QKI: variants seen among roughly 807,000 people sequenced by gnomAD.
QKI encodes the protein QKI, KH domain containing RNA binding, also known as KH domain-containing RNA-binding protein QKI.
In QKI, 10 loss-of-function variants were observed where a neutral mutation model predicts 39.0. That is an observed-to-expected ratio of 0.26 (90% CI 0.16 to 0.43). The LOEUF (loss-of-function observed/expected upper bound fraction) is 0.43, where lower values mean the gene tolerates loss of function less well. Ranked by LOEUF, QKI falls within the 20% of genes least tolerant of loss-of-function variation. The pLI, the probability that QKI is intolerant of heterozygous loss-of-function variation, is 1.00. For synonymous variants in QKI, 204 were observed against 155.4 expected (o/e 1.31, Z -2.33); for missense variants, 218 against 428.0 (o/e 0.51, Z 4.33).
chr6:163,545,843 A>C (rs1455876254), intron 4 of QKI, among the ~76,000 whole-genome samples: 1 of 151,826 alleles, frequency 6.6e-6, no homozygotes, highest in Non-Finnish European at 1.5e-5. Context: ...TATTTATTAA[A>C]TTAAATATTT....
Position 163,483,100 on chromosome 6 carries a change from G to T in QKI, c.402+4204G>T, listed in dbSNP as rs376654655. Among the ~76,000 whole-genome samples, 33 of 152,278 alleles carry T rather than the reference G, an allele frequency of 2.2e-4. No individual in the cohort carries two copies. The East Asian group carries it at 4.2e-3, about 20-fold the overall frequency. ...AGTCACACATTTTTTTAGTTTCCTA[G>T]TGCATATAAAAGTTATGTTTATACC... is the stretch of plus-strand genomic sequence containing the variant. On this transcript the variant is annotated intron_variant, in intron 3 of 7. Coordinates refer to ENST00000361752, the MANE Select transcript of QKI (RefSeq NM_006775.3).
intron 4 of QKI, among the ~76,000 whole-genome samples, chr6:163,542,591 T>C (rs1007660688): frequency 1.3e-5 from 2 of 152,076 alleles, no homozygotes; most frequent in African/African-American, 2.4e-5. Flanking sequence ...TGAAGTTCAT[T>C]GATGTTGTCT....
chr6:163,556,503 CAAAAA>C (rs61233361), intron 4 of QKI, among the ~76,000 whole-genome samples: 5,374 of 83,120 alleles, frequency 0.065, 397 homozygotes, highest in African/African-American at 0.19. Context: ...AATTCCACCT[CAAAAA>C]AAAAAAAAAA....
chr6:163,512,239 T>C (rs996070043), intron 3 of QKI, among the ~76,000 whole-genome samples: 6 of 151,988 alleles, frequency 3.9e-5, no homozygotes, highest in African/African-American at 1.4e-4. Flanking sequence ...TACTCAGCAG[T>C]AAAATTCTCA....
intron 3 of QKI, among the ~76,000 whole-genome samples, chr6:163,529,743 C>T (rs913408157): frequency 1.3e-5 from 2 of 152,178 alleles, no homozygotes; most frequent in Non-Finnish European, 1.5e-5. Context: ...GCATGTGCAG[C>T]AGCCAGTCTC....
At chr6:163,501,286 T>TA (rs5881537) in intron 3 of QKI, among the ~76,000 whole-genome samples, 111,148 of 146,556 alleles carry the variant, frequency 0.76, 42,182 homozygotes, top group East Asian at 0.98. Flanking sequence ...GTTTTAACAT[T>TA]AAAAAAAAAA....
chr6:163,436,664 A>T (rs1424807862), intron 1 of QKI, among the ~76,000 whole-genome samples: 1 of 151,902 alleles, frequency 6.6e-6, no homozygotes, highest in Non-Finnish European at 1.5e-5. Flanking sequence ...AACTACAAAA[A>T]TTAGCTGGGC....
intron 7 of QKI, chr6:163,568,637 T>A: frequency 1.0e-6 from 1 of 976,120 alleles, no homozygotes; most frequent in Non-Finnish European, 1.2e-6. Flanking sequence ...TAAAATTATT[T>A]TAAAAAAATA....
At chr6:163,460,228 C>A (rs1020113544) in intron 2 of QKI, among the ~76,000 whole-genome samples, 2 of 152,116 alleles carry the variant, frequency 1.3e-5, no homozygotes, top group Non-Finnish European at 2.9e-5. Context: ...GAATATAATT[C>A]TGATTTTCTG....
chr6:163,482,595 T>C (rs943884322), intron 3 of QKI, among the ~76,000 whole-genome samples: 26 of 152,202 alleles, frequency 1.7e-4, no homozygotes, highest in Non-Finnish European at 7.3e-5. Flanking sequence ...TCAATTAATT[T>C]GCTAGAGTAG....
chr6:163,438,734 C>G (rs139433583), intron 1 of QKI, among the ~76,000 whole-genome samples: 2 of 151,744 alleles, frequency 1.3e-5, no homozygotes, highest in African/African-American at 2.4e-5. Flanking sequence ...CTCGGTGAGT[C>G]AGTGAGTGAG....
At chr6:163,511,086 C>T (rs766223475) in intron 3 of QKI, among the ~76,000 whole-genome samples, 1 of 151,976 alleles carries the variant, frequency 6.6e-6, no homozygotes, top group Non-Finnish European at 1.5e-5. Context: ...GAATTTTGAC[C>T]GCAGTGGAAT....
Position 163,572,323 on chromosome 6 carries a change from CAAAAG to C in QKI, c.*1614_*1618del, listed in dbSNP as rs1783737872. ...ATAGGATACCTAGCAAATGTTTTCA[CAAAAG>C]TGAATCTTTGTGATTTTCATTCTAG... On this transcript the variant is annotated 3_prime_UTR_variant, in exon 8 of 8. Transcript: ENST00000361752. 1 of 152,076 alleles carries C rather than the reference CAAAAG, an allele frequency of 6.6e-6. No homozygotes were observed. The highest frequency in any genetic ancestry group is 1.5e-5 in the Non-Finnish European group (1 of 68,018). 9.4% of individuals were successfully genotyped at this position (152,076 alleles called of 1,614,324 possible).
At chr6:163,487,833 T>C (rs1777774842) in intron 3 of QKI, among the ~76,000 whole-genome samples, 1 of 152,192 alleles carries the variant, frequency 6.6e-6, no homozygotes, top group South Asian at 2.1e-4. Flanking sequence ...TAAAGTCTCA[T>C]TTCCTCTCTG....
chr6:163,466,484 T>A (rs1453442951), intron 2 of QKI, among the ~76,000 whole-genome samples: 1 of 152,160 alleles, frequency 6.6e-6, no homozygotes, highest in Admixed American at 6.6e-5. Flanking sequence ...AGTTCCTGAT[T>A]TCAAATTATA....
intron 3 of QKI, among the ~76,000 whole-genome samples, chr6:163,529,007 C>G (rs1054678654): frequency 6.6e-6 from 1 of 152,086 alleles, no homozygotes; most frequent in African/African-American, 2.4e-5. Flanking sequence ...GTCTCCTGTT[C>G]TTCTGATACA....
chr6:163,425,661 G>T (rs1788350608), intron 1 of QKI, among the ~76,000 whole-genome samples: 1 of 152,046 alleles, frequency 6.6e-6, no homozygotes, highest in African/African-American at 2.4e-5. Context: ...ACTCCTTAAA[G>T]ATTTTTTAAA....
At chr6:163,518,792 C>T (rs1779980874) in intron 3 of QKI, among the ~76,000 whole-genome samples, 1 of 152,122 alleles carries the variant, frequency 6.6e-6, no homozygotes, top group Non-Finnish European at 1.5e-5. Flanking sequence ...GTAGTAACTA[C>T]TCTTTCAGCA....
intron 2 of QKI, among the ~76,000 whole-genome samples, chr6:163,470,456 G>T (rs1792100560): frequency 6.6e-6 from 1 of 152,044 alleles, no homozygotes; most frequent in Non-Finnish European, 1.5e-5. Flanking sequence ...ATCTTTCCTG[G>T]AGGAAGATAT....
Sources: allele counts gnomAD v4.1 joint callset (sites outside exome capture counted in the v4.1 genomes callset), GRCh38; gene constraint gnomAD v4.1.1; transcripts MANE v1.5; gene names NCBI Gene and HGNC (gene_info 2026-07-23, HGNC 2026-07-21).